OR51B5: variants seen among roughly 807,000 people sequenced by gnomAD.
OR51B5 encodes olfactory receptor family 51 subfamily B member 5, also known as olfactory receptor 51B5.
For missense variants in OR51B5, 456 were observed against 374.6 expected, an observed-to-expected ratio of 1.22 and a Z score of -1.79; for synonymous variants, 186 against 144.8, an observed-to-expected ratio of 1.28 and a Z score of -2.04.
intron 1 of OR51B5, chr11:5,423,204 G>T: frequency 6.8e-7 from 1 of 1,477,310 alleles, no homozygotes; most frequent in Non-Finnish European, 9.0e-7. Flanking sequence ...AGGCTTAAGG[G>T]GGGAATATAT....
intron 1 of OR51B5, chr11:5,390,205 G>T: frequency 1.2e-6 from 2 of 1,613,984 alleles, no homozygotes; most frequent in Non-Finnish European, 1.7e-6. Context: ...CCATGATGGG[G>T]CTGTCCCTGG....
chr11:5,372,133 C>T (rs564081937), intron 1 of OR51B5, among the ~76,000 whole-genome samples: 10 of 152,120 alleles, frequency 6.6e-5, no homozygotes, highest in Admixed American at 1.3e-4. Context: ...ATATCATATA[C>T]AGACCTGTCA....
chr11:5,436,284 C>G (rs1411963061), intron 1 of OR51B5, among the ~76,000 whole-genome samples: 1 of 152,148 alleles, frequency 6.6e-6, no homozygotes, highest in Non-Finnish European at 1.5e-5. Flanking sequence ...AAACACTTTT[C>G]TAAAATCACA....
intron 1 of OR51B5, among the ~76,000 whole-genome samples, chr11:5,374,774 G>C (rs1233859010): frequency 2.0e-5 from 3 of 152,048 alleles, no homozygotes; most frequent in Non-Finnish European, 2.9e-5. Flanking sequence ...GAGAAGGGAA[G>C]TTTAGAGAAA....
chr11:5,358,167 CACAAAAAAACCCTTCAAAAAAT>C (rs1465697041), intron 1 of OR51B5, among the ~76,000 whole-genome samples: 8 of 151,910 alleles, frequency 5.3e-5, no homozygotes, highest in Non-Finnish European at 1.0e-4. Context: ...GAAATAGAGA[CACAAAAAAACCCTTCAAAAAAT>C]CAATGAATCC....
At chr11:5,365,524 G>C (rs1029527991) in intron 1 of OR51B5, among the ~76,000 whole-genome samples, 3 of 152,096 alleles carry the variant, frequency 2.0e-5, no homozygotes, top group African/African-American at 7.2e-5. Flanking sequence ...ATAGGATATG[G>C]CTGTACTACC....
At chr11:5,371,660 A>C (rs1430297767) in intron 1 of OR51B5, among the ~76,000 whole-genome samples, 1 of 152,180 alleles carries the variant, frequency 6.6e-6, no homozygotes, top group Non-Finnish European at 1.5e-5. Context: ...TGTTCAAAAA[A>C]TATAGGATAT....
chr11:5,465,060 T>G (rs28869179), intron 1 of OR51B5, among the ~76,000 whole-genome samples: 67,816 of 150,802 alleles, frequency 0.45, 16,297 homozygotes, highest in Non-Finnish European at 0.52. Flanking sequence ...CAGAAAATTG[T>G]CCGGGCGTAG....
intron 1 of OR51B5, among the ~76,000 whole-genome samples, chr11:5,407,646 C>T (rs1223074186): frequency 6.6e-6 from 1 of 150,750 alleles, no homozygotes; most frequent in Non-Finnish European, 1.5e-5. Context: ...TTTTGATTTA[C>T]ACATTTTTCT....
At chr11:5,463,019 T>A (rs2647595) in intron 1 of OR51B5, among the ~76,000 whole-genome samples, 1 of 152,192 alleles carries the variant, frequency 6.6e-6, no homozygotes, top group African/African-American at 2.4e-5. Flanking sequence ...TCGACACTTA[T>A]GTCAGAAATC....
intron 1 of OR51B5, among the ~76,000 whole-genome samples, chr11:5,410,313 A>G (rs1564804182): frequency 6.6e-6 from 1 of 152,190 alleles, no homozygotes; most frequent in African/African-American, 2.4e-5. Context: ...ATGCAAAAAG[A>G]AAGAGATATC....
chr11:5,457,265 G>A (rs1850974224), intron 1 of OR51B5, among the ~76,000 whole-genome samples: 1 of 152,126 alleles, frequency 6.6e-6, no homozygotes. Context: ...AATTCACCTA[G>A]GATAATGGCC....
intron 1 of OR51B5, among the ~76,000 whole-genome samples, chr11:5,417,342 A>G (rs1316276853): frequency 6.6e-6 from 1 of 151,970 alleles, no homozygotes; most frequent in African/African-American, 2.4e-5. Context: ...AAACCTAGGC[A>G]TTACCATTCA....
rs187452017 is a variant in OR51B5 at position 5,381,845 on chromosome 11, T to C, written n.85-34935A>G. Among the ~76,000 whole-genome samples the C allele has an allele frequency of 3.6e-3, 548 of 152,240 alleles. 1 individual carries two copies. The highest frequency in any genetic ancestry group is 0.012 in the African/African-American group (517 of 41,552). On this transcript the variant is annotated intron_variant and non_coding_transcript_variant, in intron 1 of 4. Transcript: ENST00000415970. ...CCTTCAATTATATAATTCAGAGAAA[T>C]AGAATATAAAGCTATTATACAGATG...
chr11:5,461,969 G>A (rs1166080535), intron 1 of OR51B5, among the ~76,000 whole-genome samples: 1 of 152,148 alleles, frequency 6.6e-6, no homozygotes, highest in Non-Finnish European at 1.5e-5. Flanking sequence ...AGCTCCTCCT[G>A]GCTGTGGCTA....
At chr11:5,418,828 G>A (rs1169199420) in intron 1 of OR51B5, among the ~76,000 whole-genome samples, 2 of 142,974 alleles carry the variant, frequency 1.4e-5, no homozygotes, top group Non-Finnish European at 3.0e-5. Context: ...GTATACCTAT[G>A]TAACAAAGCT....
intron 1 of OR51B5, among the ~76,000 whole-genome samples, chr11:5,461,872 C>T (rs1816508137): frequency 6.6e-6 from 1 of 152,196 alleles, no homozygotes; most frequent in Admixed American, 6.5e-5. Context: ...GTTTCAGCAT[C>T]CTCCTGTATC....
At chr11:5,474,675 T>C (rs1184940356) in intron 1 of OR51B5, among the ~76,000 whole-genome samples, 1 of 152,216 alleles carries the variant, frequency 6.6e-6, no homozygotes, top group Non-Finnish European at 1.5e-5. Flanking sequence ...GCCAATGCAA[T>C]AATTCTATTT....
intron 1 of OR51B5, among the ~76,000 whole-genome samples, chr11:5,406,728 C>A (rs1348206270): frequency 6.6e-6 from 1 of 152,054 alleles, no homozygotes; most frequent in African/African-American, 2.4e-5. Context: ...CTTGAGAGAG[C>A]ATTCAAGGCA....
Sources: allele counts gnomAD v4.1 joint callset (sites outside exome capture counted in the v4.1 genomes callset), GRCh38; gene constraint gnomAD v4.1.1; transcripts MANE v1.5; gene names NCBI Gene and HGNC (gene_info 2026-07-23, HGNC 2026-07-21).